ZNF385D: variants seen among roughly 807,000 people sequenced by gnomAD.
ZNF385D encodes zinc finger protein 385D.
A neutral mutation model predicts 35.8 loss-of-function variants in ZNF385D; 15 were observed. The observed-to-expected ratio is 0.42, with a 90% CI of 0.28 to 0.64. ZNF385D has a LOEUF of 0.64. Among genes scored for constraint, ZNF385D ranks in the 30% least tolerant of loss-of-function variants. The probability of loss-of-function intolerance (pLI) is 0.23; values close to 1 mark genes in which losing one functional copy is unlikely to be tolerated. For missense variants in ZNF385D, 474 were observed against 494.6 expected, an observed-to-expected ratio of 0.96 and a Z score of 0.39; for synonymous variants, 212 against 186.8, an observed-to-expected ratio of 1.13 and a Z score of -1.10.
intron 3 of ZNF385D, among the ~76,000 whole-genome samples, chr3:22,135,383 G>T (rs1440661628): frequency 2.0e-5 from 3 of 151,874 alleles, no homozygotes; most frequent in African/African-American, 7.3e-5. Flanking sequence ...AATAATAATT[G>T]AAAACAGACA....
chr3:22,048,983 T>C (rs772368017), intron 3 of ZNF385D, among the ~76,000 whole-genome samples: 1 of 152,134 alleles, frequency 6.6e-6, no homozygotes, highest in East Asian at 1.9e-4. Flanking sequence ...TGTTGGATAG[T>C]TCATTGTTAG....
At chr3:22,153,838 C>G (rs1332388858) in intron 3 of ZNF385D, among the ~76,000 whole-genome samples, 1 of 152,020 alleles carries the variant, frequency 6.6e-6, no homozygotes, top group Admixed American at 6.6e-5. Flanking sequence ...TCAGCTTCCT[C>G]AGCCATATTT....
intron 3 of ZNF385D, among the ~76,000 whole-genome samples, chr3:22,049,753 AATGAT>A (rs1699231425): frequency 6.6e-6 from 1 of 152,166 alleles, no homozygotes; most frequent in Admixed American, 6.5e-5. Context: ...CATCCATTGA[AATGAT>A]ATATTTTTTG....
rs181231790 is a variant in ZNF385D, at chr3:22,105,379, C to A, written c.325+63438G>T. Reference sequence around the variant, plus strand: ...AACACATATATATCTATATCTCTCTCTATATGTGTGTGTATACATATATAA... The same window carrying A: ...AACACATATATATCTATATCTCTCTATATATGTGTGTGTATACATATATAA... On this transcript the variant is annotated intron_variant, in intron 3 of 5. Transcript: ENST00000494108. Among the ~76,000 whole-genome samples, 285 of 151,434 alleles carry A rather than the reference C, an allele frequency of 1.9e-3. 3 individuals are homozygous for A. Among genetic ancestry groups the A allele is most frequent in the Admixed American group, 4.8e-3 (73 of 15,176 alleles).
intron 3 of ZNF385D, chr3:21,957,295 T>A (rs1702343878): frequency 6.5e-6 from 1 of 153,160 alleles, no homozygotes; most frequent in African/African-American, 2.4e-5. Flanking sequence ...GTACCGGGAG[T>A]GGAGCATTGC....
At chr3:22,332,575 G>A (rs1694988566) in intron 2 of ZNF385D, among the ~76,000 whole-genome samples, 1 of 151,518 alleles carries the variant, frequency 6.6e-6, no homozygotes, top group African/African-American at 2.4e-5. Context: ...TGAGAAGAAT[G>A]GATAGCAAGG....
chr3:21,924,575 C>T (rs1295231136), intron 3 of ZNF385D, among the ~76,000 whole-genome samples: 1 of 152,156 alleles, frequency 6.6e-6, no homozygotes, highest in Non-Finnish European at 1.5e-5. Context: ...GTTTCAACCT[C>T]TCTAATCTAT....
At chr3:21,934,059 T>C (rs1701145298) in intron 3 of ZNF385D, among the ~76,000 whole-genome samples, 1 of 152,118 alleles carries the variant, frequency 6.6e-6, no homozygotes, top group South Asian at 2.1e-4. Context: ...AATGAAAATT[T>C]AGAAAGAAAT....
At chr3:21,828,838 T>C (rs1484045194) in intron 3 of ZNF385D, among the ~76,000 whole-genome samples, 2 of 152,216 alleles carry the variant, frequency 1.3e-5, no homozygotes, top group Non-Finnish European at 2.9e-5. Context: ...CTTTGCCTTT[T>C]ACAGCATCTA....
At chr3:21,770,025 G>A (rs149442765) in intron 3 of ZNF385D, among the ~76,000 whole-genome samples, 1 of 152,116 alleles carries the variant, frequency 6.6e-6, no homozygotes, top group African/African-American at 2.4e-5. Context: ...GGGAAAACTG[G>A]CTTGCCATAT....
intron 3 of ZNF385D, among the ~76,000 whole-genome samples, chr3:21,977,985 T>C (rs1037428764): frequency 6.6e-6 from 1 of 152,184 alleles, no homozygotes; most frequent in Non-Finnish European, 1.5e-5. Context: ...TGGAGGTAGT[T>C]GGTATAGCCA....
At chr3:22,106,925 T>C (rs768178474) in intron 3 of ZNF385D, among the ~76,000 whole-genome samples, 30 of 152,138 alleles carry the variant, frequency 2.0e-4, no homozygotes, top group South Asian at 4.1e-4. Flanking sequence ...CTAGTTATGG[T>C]TAGTTGCTGC....
chr3:21,745,254 T>G (rs4858013), intron 1 of ZNF385D, among the ~76,000 whole-genome samples: 13,186 of 152,126 alleles, frequency 0.087, 927 homozygotes, highest in East Asian at 0.28. Flanking sequence ...CTTACAGAAA[T>G]GTGATATTAC....
At chr3:21,839,586 C>T (rs547776926) in intron 3 of ZNF385D, among the ~76,000 whole-genome samples, 140 of 152,114 alleles carry the variant, frequency 9.2e-4, no homozygotes, top group African/African-American at 3.0e-3. Flanking sequence ...ACTAAGAGGC[C>T]GACAATTTCA....
At chr3:22,111,982 G>T (rs540296373) in intron 3 of ZNF385D, among the ~76,000 whole-genome samples, 1 of 152,134 alleles carries the variant, frequency 6.6e-6, no homozygotes, top group Admixed American at 6.6e-5. Flanking sequence ...TAGAAAAGTC[G>T]GCTGTGCTAA....
At chr3:21,591,069 G>A (rs747860940) in intron 2 of ZNF385D, among the ~76,000 whole-genome samples, 2 of 151,916 alleles carry the variant, frequency 1.3e-5, no homozygotes, top group African/African-American at 4.8e-5. Flanking sequence ...ATGGTGACAT[G>A]TGCCTGTAAT....
intron 2 of ZNF385D, among the ~76,000 whole-genome samples, chr3:22,247,991 A>G (rs180813583): frequency 6.6e-6 from 1 of 152,260 alleles, no homozygotes; most frequent in East Asian, 1.9e-4. Flanking sequence ...TGTGAACTTT[A>G]TATAAATAAG....
At position 21,646,110 on chromosome 3, in the gene ZNF385D, T is replaced by A. The variant is rs1269814150; in HGVS notation, c.165+18776A>T. Among the ~76,000 whole-genome samples the A allele has an allele frequency of 6.6e-6, 1 of 152,164 alleles. No homozygotes were observed. Among genetic ancestry groups the A allele is most frequent in the Non-Finnish European group, 1.5e-5 (1 of 68,018 alleles). ...GCCAAAGTGTCAGATAAGTTTTTTT[T>A]AAAGAAAGAAAACCTCAGGGAAATT... On this transcript the variant is annotated intron_variant, in intron 2 of 7. Coordinates refer to ENST00000281523, the MANE Select transcript of ZNF385D (RefSeq NM_024697.3). This position sits in a 1 kb window ranked among gnomAD's most constrained non-coding sequence, Gnocchi z 4.3.
chr3:21,935,998 G>C (rs1263210021), intron 3 of ZNF385D, among the ~76,000 whole-genome samples: 1 of 152,078 alleles, frequency 6.6e-6, no homozygotes, highest in Admixed American at 6.6e-5. Flanking sequence ...TTCTTAAGGA[G>C]AGAAATGGAA....
Sources: gnomAD v4.1 joint callset for allele counts (sites outside exome capture counted in the v4.1 genomes callset) on GRCh38, gnomAD v4.1.1 for gene constraint, Gnocchi (gnomAD v3.1) non-coding constraint, MANE v1.5 for transcripts, NCBI Gene and HGNC (gene_info 2026-07-23, HGNC 2026-07-21) for gene names.